SLC2A13: variants seen among roughly 807,000 people sequenced by gnomAD.
The protein encoded by SLC2A13 is proton myo-inositol cotransporter.
Under a neutral mutation model 64.4 loss-of-function variants are expected in SLC2A13, and 32 were observed. That is an observed-to-expected ratio of 0.50 (90% confidence interval 0.37 to 0.67). The LOEUF is 0.67. Ranked by LOEUF, SLC2A13 falls within the 30% of genes least tolerant of loss-of-function variation. The pLI, the probability that SLC2A13 is intolerant of heterozygous loss-of-function variation, is 0.00. For synonymous variants in SLC2A13, 338 were observed against 327.1 expected, an observed-to-expected ratio of 1.03 and a Z score of -0.36; for missense variants, 743 against 829.2, an observed-to-expected ratio of 0.90 and a Z score of 1.28.
rs371714790 is a variant in SLC2A13, at chr12:39,944,854, A to G, written c.1034+6403T>C. On this transcript the variant is annotated intron_variant, in intron 4 of 9. Coordinates refer to ENST00000280871, the MANE Select transcript of SLC2A13 (RefSeq NM_052885.4). ...ATTTACATTCAATGTTTGTATTGAA[A>G]TGTGAGGTACTGTTGCTTTCATCAT... 2.7e-4 allele frequency among the ~76,000 whole-genome samples: 41 copies of G among 152,302 alleles called. No individual in the cohort carries two copies. The East Asian group carries it at 6.2e-3, about 23-fold the overall frequency.
chr12:39,828,698 C>A (rs879808556), intron 7 of SLC2A13, among the ~76,000 whole-genome samples: 1 of 132,614 alleles, frequency 7.5e-6, no homozygotes, highest in Non-Finnish European at 1.6e-5. Context: ...TAATTCTAGA[C>A]TAGTAGTAAC....
At chr12:40,104,807 G>A (rs1939250196) in intron 1 of SLC2A13, among the ~76,000 whole-genome samples, 1 of 152,222 alleles carries the variant, frequency 6.6e-6, no homozygotes. Flanking sequence ...CGATGGTCTA[G>A]GTTCCAGGCT....
chr12:39,943,135 C>T (rs1425219690), intron 4 of SLC2A13, among the ~76,000 whole-genome samples: 1 of 152,160 alleles, frequency 6.6e-6, no homozygotes, highest in Admixed American at 6.5e-5. Context: ...AGCTTCGTCC[C>T]AGAGGGGCAC....
chr12:40,001,814 A>G (rs1162863260), intron 3 of SLC2A13, among the ~76,000 whole-genome samples: 1 of 152,258 alleles, frequency 6.6e-6, no homozygotes, highest in Non-Finnish European at 1.5e-5. Flanking sequence ...TTCAATAAAT[A>G]TGACATTTCT....
rs745910848 is a variant in SLC2A13 at position 39,759,995 on chromosome 12, T to C, written c.*31A>G. ...TGCTGTTCTTCTCCCCCCAGTTTGT[T>C]TAAATAACTAAATATATGAGCAGCT... On this transcript the variant is annotated 3_prime_UTR_variant, in exon 10 of 10. Transcript: ENST00000280871. 2 of 1,567,382 alleles carry C rather than the reference T, an allele frequency of 1.3e-6. No individual in the cohort carries two copies. The highest frequency in any genetic ancestry group is 1.8e-6 in the Non-Finnish European group (2 of 1,140,076).
chr12:39,833,760 C>G (rs559867137), intron 6 of SLC2A13, among the ~76,000 whole-genome samples: 2 of 152,156 alleles, frequency 1.3e-5, no homozygotes, highest in Non-Finnish European at 2.9e-5. Flanking sequence ...AAATCTCAAT[C>G]CTTATTCCTC....
At chr12:39,912,513 T>G (rs1257576878) in intron 4 of SLC2A13, among the ~76,000 whole-genome samples, 3 of 152,090 alleles carry the variant, frequency 2.0e-5, no homozygotes, top group African/African-American at 7.3e-5. Context: ...GAAGTTATCC[T>G]AATATCCTAA....
At chr12:39,981,726 C>T (rs985588790) in intron 3 of SLC2A13, among the ~76,000 whole-genome samples, 1 of 150,794 alleles carries the variant, frequency 6.6e-6, no homozygotes, top group Non-Finnish European at 1.5e-5. Context: ...GATGGATTCA[C>T]AGCCGAATTC....
At chr12:40,052,940 G>A (rs1031138791) in intron 1 of SLC2A13, among the ~76,000 whole-genome samples, 2 of 152,028 alleles carry the variant, frequency 1.3e-5, no homozygotes, top group African/African-American at 2.4e-5. Flanking sequence ...TCAATACTAT[G>A]TTATTTTTAA....
At chr12:39,907,220 T>C (rs1228879558) in intron 4 of SLC2A13, among the ~76,000 whole-genome samples, 1 of 152,156 alleles carries the variant, frequency 6.6e-6, no homozygotes, top group Non-Finnish European at 1.5e-5. Flanking sequence ...AAGTAGAGAT[T>C]TGTATTTAGT....
intron 4 of SLC2A13, among the ~76,000 whole-genome samples, chr12:39,929,904 A>T (rs903241557): frequency 5.3e-5 from 8 of 151,756 alleles, no homozygotes; most frequent in African/African-American, 1.9e-4. Context: ...GCTGAGGAGG[A>T]CGGATCACCT....
intron 6 of SLC2A13, among the ~76,000 whole-genome samples, chr12:39,831,233 A>G (rs1346281850): frequency 1.3e-5 from 2 of 152,188 alleles, no homozygotes; most frequent in African/African-American, 4.8e-5. Context: ...TACCTGGAAC[A>G]GGGGCCCATT....
intron 7 of SLC2A13, among the ~76,000 whole-genome samples, chr12:39,776,089 C>A (rs1402547635): frequency 6.6e-6 from 1 of 152,176 alleles, no homozygotes; most frequent in Non-Finnish European, 1.5e-5. Context: ...TCTGGGGCTT[C>A]TTCTTCCATA....
At chr12:39,939,205 T>C (rs77591644) in intron 4 of SLC2A13, among the ~76,000 whole-genome samples, 8,676 of 152,222 alleles carry the variant, frequency 0.057, 372 homozygotes, top group Middle Eastern at 0.14. Flanking sequence ...CCTCTTGATA[T>C]CGTCCCCAAA....
chr12:39,873,932 ATATT>A (rs1169986191), intron 4 of SLC2A13, among the ~76,000 whole-genome samples: 1 of 152,172 alleles, frequency 6.6e-6, no homozygotes, highest in African/African-American at 2.4e-5. Context: ...TGTACACTGA[ATATT>A]TATTTATTAA....
intron 6 of SLC2A13, among the ~76,000 whole-genome samples, chr12:39,843,394 T>C (rs996509226): frequency 2.0e-5 from 3 of 152,026 alleles, no homozygotes; most frequent in Admixed American, 6.6e-5. Context: ...ACAGTAGTGA[T>C]CCAGCCAGCA....
chr12:39,896,350 ATGTATATG>A (rs1381609888), intron 4 of SLC2A13, among the ~76,000 whole-genome samples: 1 of 129,198 alleles, frequency 7.7e-6, no homozygotes, highest in African/African-American at 3.2e-5. Flanking sequence ...ACATATATGT[ATGTATATG>A]TGTATATATG....
intron 2 of SLC2A13, among the ~76,000 whole-genome samples, chr12:40,044,771 C>T (rs574196304): frequency 1.2e-4 from 18 of 152,282 alleles, no homozygotes; most frequent in Non-Finnish European, 1.9e-4. Context: ...AATGTTTCTA[C>T]AACATCAAAA....
At chr12:40,046,407 G>T (rs969585280) in intron 2 of SLC2A13, among the ~76,000 whole-genome samples, 2 of 152,062 alleles carry the variant, frequency 1.3e-5, no homozygotes, top group African/African-American at 4.8e-5. Flanking sequence ...ATTGTTATGC[G>T]TAAGTGAAAA....
Sources: allele counts gnomAD v4.1 joint callset (sites outside exome capture counted in the v4.1 genomes callset), GRCh38; gene constraint gnomAD v4.1.1; transcripts MANE v1.5; gene names NCBI Gene and HGNC (gene_info 2026-07-23, HGNC 2026-07-21).